ARHGEF12: variants seen among roughly 807,000 people sequenced by gnomAD.
ARHGEF12 encodes the protein KMT2A/ARHGEF12 fusion protein.
Under a neutral mutation model 211.2 loss-of-function variants are expected in ARHGEF12, and 66 were observed. The ratio of observed to expected loss-of-function variants is 0.31; its 90% confidence interval spans 0.26 to 0.38. The LOEUF is 0.38. Ranked by LOEUF, ARHGEF12 falls within the 10% of genes least tolerant of loss-of-function variation. The pLI, the probability that ARHGEF12 is intolerant of heterozygous loss-of-function variation, is 1.00. For missense variants in ARHGEF12, 1,429 were observed against 1,869.5 expected (o/e 0.76, Z 4.34); for synonymous variants, 592 against 638.4 (o/e 0.93, Z 1.09).
At chr11:120,416,754 G>T (rs1045582601) in intron 4 of ARHGEF12, among the ~76,000 whole-genome samples, 3 of 151,944 alleles carry the variant, frequency 2.0e-5, no homozygotes, top group East Asian at 1.9e-4. Context: ...GGGTTCAAGC[G>T]ATTCTCCTGC....
intron 1 of ARHGEF12, among the ~76,000 whole-genome samples, chr11:120,352,778 A>G (rs1943023112): frequency 6.6e-6 from 1 of 152,062 alleles, no homozygotes; most frequent in South Asian, 2.1e-4. Context: ...ACCTATTGTC[A>G]TTCTCCCCAT....
At chr11:120,464,767 G>A (rs1335567902) in intron 27 of ARHGEF12, 1 of 154,286 alleles carries the variant, frequency 6.5e-6, no homozygotes, top group South Asian at 2.0e-4. Context: ...AGCACTTTGG[G>A]GACACCAAGG....
Position 120,486,780 on chromosome 11 carries a change from A to G in ARHGEF12, c.*1703A>G, listed in dbSNP as rs1347904265. ...TTATAAACACCACTGCAACTTAACAAGTTTATTTATCTATGTCCAGATTTC... is the reference window on the plus strand; with the variant it reads ...TTATAAACACCACTGCAACTTAACAGGTTTATTTATCTATGTCCAGATTTC... On this transcript the variant is annotated 3_prime_UTR_variant, in exon 41 of 41. Transcript: ENST00000397843. 4.6e-6 allele frequency: 1 copy of G among 217,800 alleles called. No homozygotes were observed. The highest frequency in any genetic ancestry group is 9.2e-6 in the Non-Finnish European group (1 of 108,354). 13.5% of individuals were successfully genotyped at this position (217,800 alleles called of 1,614,324 possible). A position where few individuals can be genotyped will look rare whatever the true frequency, so the allele number is the denominator to read the frequency against.
chr11:120,480,483 G>A, intron 38 of ARHGEF12, 53 bp downstream of exon 38: 34 of 1,518,350 alleles, frequency 2.2e-5, no homozygotes, highest in Non-Finnish European at 3.0e-5. Context: ...ATTGTTAACT[G>A]TCCTGTATTT....
At chr11:120,449,433 A>AT (rs1565490413) in intron 21 of ARHGEF12, 2 of 463,632 alleles carry the variant, frequency 4.3e-6, no homozygotes, top group Non-Finnish European at 7.7e-6. Context: ...GGGCGTGGTG[A>AT]TTCACGCCTG....
At chr11:120,378,667 G>T (rs1943796171) in intron 1 of ARHGEF12, among the ~76,000 whole-genome samples, 1 of 152,168 alleles carries the variant, frequency 6.6e-6, no homozygotes, top group African/African-American at 2.4e-5. Flanking sequence ...ATGGTGTGAG[G>T]TAAGGATTAA....
intron 1 of ARHGEF12, among the ~76,000 whole-genome samples, chr11:120,371,342 G>T (rs1943584040): frequency 6.6e-6 from 1 of 152,180 alleles, no homozygotes. Context: ...TACAGAATTA[G>T]CTGGGTGTGC....
In ARHGEF12 at chr11:120,424,457, C is replaced by A. The variant is rs114941010; in HGVS notation, c.406+42C>A. ...CTTAGTTTTAATTGTTTTCTGAAAC[C>A]CTTAAAGTAAGGAGCAGCAAATTTC... On this transcript the variant is annotated intron_variant, in intron 7 of 40. Coordinates refer to ENST00000397843, the MANE Select transcript of ARHGEF12 (RefSeq NM_015313.3). The A allele has an allele frequency of 4.4e-6, 7 of 1,577,118 alleles. No homozygotes were observed. In the East Asian group the frequency reaches 1.3e-4, roughly 30 times the overall value.
chr11:120,485,024 T>C, intron 40 of ARHGEF12, 43 bp from the exon 41 acceptor site: 1 of 1,598,548 alleles, frequency 6.3e-7, no homozygotes, highest in Non-Finnish European at 8.6e-7. Context: ...GTTAGTATAT[T>C]CTTTTTCTTA....
At chr11:120,448,987 G>A (rs915919071) in intron 20 of ARHGEF12, 122 bp from the exon 21 acceptor site, 30 of 762,564 alleles carry the variant, frequency 3.9e-5, no homozygotes, top group Admixed American at 3.2e-4. Flanking sequence ...GCATACACAC[G>A]TGTACGGGTT....
intron 1 of ARHGEF12, among the ~76,000 whole-genome samples, chr11:120,357,185 G>T (rs936772223): frequency 1.3e-5 from 2 of 152,072 alleles, no homozygotes; most frequent in African/African-American, 2.4e-5. Flanking sequence ...TAGAGACGGG[G>T]TTTCACCATG....
intron 1 of ARHGEF12, among the ~76,000 whole-genome samples, chr11:120,393,415 A>G (rs775397647): frequency 6.6e-5 from 10 of 152,164 alleles, no homozygotes; most frequent in Non-Finnish European, 1.2e-4. Flanking sequence ...GCAAAGCCCA[A>G]CTGTATGCTA....
At position 120,429,837 on chromosome 11, in the gene ARHGEF12, A is replaced by T. The variant is rs536263758; in HGVS notation, c.783+6A>T. 1.9e-6 allele frequency: 3 copies of T among 1,608,872 alleles called. No homozygotes were observed. The highest frequency in any genetic ancestry group is 4.5e-5 in the East Asian group (2 of 44,790). On this transcript the variant is annotated splice_donor_region_variant and intron_variant, in intron 10 of 40. Coordinates refer to ENST00000397843, the MANE Select transcript of ARHGEF12 (RefSeq NM_015313.3). ...AAGCCACAGGCTCTGCTCAGGTAGC[A>T]TCACTATTACAAGTGCTACCCAACT...
chr11:120,352,398 C>G (rs765752691), intron 1 of ARHGEF12, among the ~76,000 whole-genome samples: 8 of 152,000 alleles, frequency 5.3e-5, no homozygotes, highest in Non-Finnish European at 1.2e-4. Flanking sequence ...ATAATCAGGC[C>G]TTTGGAAGCA....
chr11:120,389,626 T>C (rs1944150333), intron 1 of ARHGEF12, among the ~76,000 whole-genome samples: 1 of 152,206 alleles, frequency 6.6e-6, no homozygotes, highest in African/African-American at 2.4e-5. Flanking sequence ...TTGTACTCTT[T>C]TAGTTATTTT....
chr11:120,474,514 T>A lies in ARHGEF12; in HGVS notation c.3034-46T>A, dbSNP rs373590180. On this transcript the variant is annotated intron_variant, in intron 31 of 40. Transcript: ENST00000397843. ...TGTATTATATAGATAATCATGTTACTGAGTGCTTGGAAATTATTTGTGCAT... is the reference window on the plus strand; with the variant it reads ...TGTATTATATAGATAATCATGTTACAGAGTGCTTGGAAATTATTTGTGCAT... 4.4e-6 allele frequency: 6 copies of A among 1,377,172 alleles called. No individual in the cohort carries two copies. The African/African-American group carries it at 8.6e-5, about 20-fold the overall frequency. 85.3% of individuals were successfully genotyped at this position (1,377,172 alleles called of 1,614,324 possible). A position where few individuals can be genotyped will look rare whatever the true frequency, so the allele number is the denominator to read the frequency against.
chr11:120,440,323 G>C (rs1945833258), intron 13 of ARHGEF12, 102 bp downstream of exon 13: 4 of 991,588 alleles, frequency 4.0e-6, no homozygotes, highest in Non-Finnish European at 6.1e-6. Flanking sequence ...ACATTTGTAA[G>C]GATTTGAAGC....
chr11:120,420,163 C>G (rs1945143200), intron 4 of ARHGEF12, among the ~76,000 whole-genome samples: 1 of 152,166 alleles, frequency 6.6e-6, no homozygotes, highest in Non-Finnish European at 1.5e-5. Flanking sequence ...TTTCTGTTTT[C>G]TATAAGCCAG....
chr11:120,442,803 A>G (rs1945921258), intron 15 of ARHGEF12, among the ~76,000 whole-genome samples: 1 of 151,888 alleles, frequency 6.6e-6, no homozygotes, highest in African/African-American at 2.4e-5. Context: ...TAGTCCTTTC[A>G]CATTTGCAGT....
Sources: gnomAD v4.1 joint callset for allele counts (sites outside exome capture counted in the v4.1 genomes callset) on GRCh38, gnomAD v4.1.1 for gene constraint, MANE v1.5 for transcripts, NCBI Gene and HGNC (gene_info 2026-07-23, HGNC 2026-07-21) for gene names.